TMEM164: variants seen among roughly 807,000 people sequenced by gnomAD.
The protein encoded by TMEM164 is transmembrane protein 164.
TMEM164 carries 4 observed loss-of-function variants against 18.8 expected under a neutral mutation model. That is an observed-to-expected ratio of 0.21 (90% CI 0.10 to 0.49). The LOEUF is 0.49. Ranked by LOEUF, TMEM164 falls within the 20% of genes least tolerant of loss-of-function variation. The pLI, the probability that TMEM164 is intolerant of heterozygous loss-of-function variation, is 0.98. For missense variants in TMEM164, 108 were observed against 239.9 expected (o/e 0.45, Z 3.63); for synonymous variants, 86 against 101.7 (o/e 0.85, Z 0.93).
intron 3 of TMEM164, among the ~76,000 whole-genome samples, chrX:110,094,968 G>A (rs779671437): frequency 1.8e-5 from 2 of 111,669 alleles, no homozygotes; most frequent in African/African-American, 6.5e-5. Flanking sequence ...GAAATTCTGG[G>A]TTGAAAATTC....
chrX:110,133,111 T>A (rs1251268779), intron 4 of TMEM164, among the ~76,000 whole-genome samples: 1 of 111,737 alleles, frequency 8.9e-6, no homozygotes, highest in Non-Finnish European at 1.9e-5. Context: ...TTTGTAGGGT[T>A]TTTTCCTCTG....
intron 3 of TMEM164, among the ~76,000 whole-genome samples, chrX:110,071,833 C>T (rs929685859): frequency 9.2e-6 from 1 of 108,255 alleles, no homozygotes; most frequent in African/African-American, 3.4e-5. Flanking sequence ...CCCAGGAGTT[C>T]GAGGCTGCAG....
intron 4 of TMEM164, among the ~76,000 whole-genome samples, chrX:110,128,723 T>C (rs1367969919): frequency 8.9e-6 from 1 of 112,164 alleles, no homozygotes; most frequent in East Asian, 2.8e-4. Flanking sequence ...TTTTCTAATT[T>C]GTCTTACTGT....
chrX:110,037,984 A>ATTTTTTTTT (rs1036705725), intron 2 of TMEM164, among the ~76,000 whole-genome samples: 6 of 72,712 alleles, frequency 8.3e-5, no homozygotes, highest in African/African-American at 2.4e-4. Context: ...CTTTGGACTC[A>ATTTTTTTTT]TTTTTTTTTT....
chrX:110,020,576 C>A (rs2147715234), intron 2 of TMEM164: 1 of 752,410 alleles, frequency 1.3e-6, no homozygotes, highest in African/African-American at 2.3e-5. Flanking sequence ...GGAATGAGAT[C>A]CAGGAGAGGA....
intron 2 of TMEM164, among the ~76,000 whole-genome samples, chrX:110,054,859 G>A (rs1238535281): frequency 1.8e-5 from 2 of 112,126 alleles, no homozygotes; most frequent in Admixed American, 1.9e-4. Flanking sequence ...TAAGTCGATT[G>A]ATGATGAGAG....
intron 2 of TMEM164, among the ~76,000 whole-genome samples, chrX:110,014,327 C>T (rs1933182189): frequency 9.0e-6 from 1 of 111,335 alleles, no homozygotes; most frequent in African/African-American, 3.3e-5. Context: ...TAATTTCATG[C>T]AGTGGGCAAA....
chrX:110,126,746 T>C (rs1027036011), intron 4 of TMEM164, among the ~76,000 whole-genome samples: 1 of 109,454 alleles, frequency 9.1e-6, no homozygotes, highest in South Asian at 4.0e-4. Flanking sequence ...TTGTTGAGGA[T>C]GGGTTCAGGG....
chrX:110,162,176 C>T (rs2067102378), intron 5 of TMEM164, among the ~76,000 whole-genome samples: 1 of 112,881 alleles, frequency 8.9e-6, no homozygotes, highest in Non-Finnish European at 1.9e-5. Flanking sequence ...CTCCCCCTTG[C>T]GTAAAGCTCA....
chrX:110,025,473 T>G (rs1456666037), intron 2 of TMEM164, among the ~76,000 whole-genome samples: 2 of 112,019 alleles, frequency 1.8e-5, no homozygotes, highest in Non-Finnish European at 3.8e-5. Flanking sequence ...CTGCCAACTC[T>G]GCACCTCAAT....
At chrX:110,182,410 G>A (rs1423872195), downstream of TMEM164, 1 of 111,701 alleles carries the variant, frequency 9.0e-6, no homozygotes, top group East Asian at 2.8e-4. Flanking sequence ...AGAGGGAAGA[G>A]GCAGAGTATA....
intron 4 of TMEM164, among the ~76,000 whole-genome samples, chrX:110,123,938 C>T (rs776092517): frequency 3.6e-5 from 4 of 111,399 alleles, no homozygotes; most frequent in East Asian, 2.8e-4. Flanking sequence ...ATAGTGAGAC[C>T]GGTCTCTACC....
downstream of TMEM164, among the ~76,000 whole-genome samples, chrX:110,179,776 T>C (rs1046358135): frequency 1.8e-5 from 2 of 112,125 alleles, no homozygotes; most frequent in Admixed American, 9.4e-5. Context: ...ATTAAGCTCC[T>C]TGAGGGCCAG....
chrX:110,077,424 G>T (rs2065688756), intron 3 of TMEM164, among the ~76,000 whole-genome samples: 1 of 111,553 alleles, frequency 9.0e-6, no homozygotes, highest in Non-Finnish European at 1.9e-5. Context: ...GCCACTCTGT[G>T]CCCTTTCAGT....
At chrX:110,169,146 G>C (rs979624701) in intron 5 of TMEM164, among the ~76,000 whole-genome samples, 3 of 111,859 alleles carry the variant, frequency 2.7e-5, no homozygotes, top group Non-Finnish European at 5.6e-5. Flanking sequence ...ACAGGCAGCC[G>C]CCAAAGACCC....
intron 2 of TMEM164, among the ~76,000 whole-genome samples, chrX:110,058,590 C>T (rs1356928779): frequency 7.0e-5 from 7 of 99,758 alleles, no homozygotes; most frequent in African/African-American, 2.5e-4. Context: ...GGTCCCCTCC[C>T]CTCCCCTCCC....
At chrX:110,003,415 G>A in intron 1 of TMEM164, 86 bp from the exon 2 acceptor site, 1 of 163,258 alleles carries the variant, frequency 6.1e-6, no homozygotes, top group Non-Finnish European at 1.2e-5. Context: ...TTCTTCCCTC[G>A]CTAGTTACCC....
intron 2 of TMEM164, among the ~76,000 whole-genome samples, chrX:110,030,683 C>T (rs1441735081): frequency 2.8e-5 from 3 of 106,006 alleles, no homozygotes; most frequent in African/African-American, 6.9e-5. Flanking sequence ...TGGTGGTGGG[C>T]GCCTGTAATC....
In TMEM164 at chrX:110,129,268, C is replaced by T. The variant is rs750958422; in HGVS notation, c.508-15530C>T. ...AAGATTGAGAGTAGATTTTCCTTAT[C>T]GTCCTAGGGGGCAGGAGTAATTTGT... On this transcript the variant is annotated intron_variant, in intron 4 of 6. Coordinates refer to ENST00000372068, the MANE Select transcript of TMEM164 (RefSeq NM_032227.4). Among the ~76,000 whole-genome samples the T allele has an allele frequency of 3.5e-5, 4 of 112,812 alleles. No individual in the cohort carries two copies. The East Asian group carries it at 8.3e-4, about 23-fold the overall frequency.
Sources: allele counts gnomAD v4.1 joint callset (sites outside exome capture counted in the v4.1 genomes callset), GRCh38; gene constraint gnomAD v4.1.1; transcripts MANE v1.5; gene names NCBI Gene and HGNC (gene_info 2026-07-23, HGNC 2026-07-21).